CNTN4: variants seen among roughly 807,000 people sequenced by gnomAD.
CNTN4 encodes the protein contactin-4.
A neutral mutation model predicts 122.5 loss-of-function variants in CNTN4; 77 were observed. That is an observed-to-expected ratio of 0.63 (90% confidence interval 0.52 to 0.76). The LOEUF (loss-of-function observed/expected upper bound fraction) is 0.76, where lower values mean the gene tolerates loss of function less well. Ranked by LOEUF, CNTN4 falls within the 30% of genes least tolerant of loss-of-function variation. CNTN4 has a pLI of 0.00. For missense variants in CNTN4, 1,256 were observed against 1,259.1 expected (o/e 1.00, Z 0.04); for synonymous variants, 512 against 447.0 (o/e 1.15, Z -1.83).
At chr3:3,023,732 C>T (rs536850284) in intron 14 of CNTN4, among the ~76,000 whole-genome samples, 89 of 152,320 alleles carry the variant, frequency 5.8e-4, no homozygotes, top group African/African-American at 1.9e-3. Context: ...CTACCTGACA[C>T]GTGCAGTGAA....
chr3:2,797,282 C>G (rs1316848904), intron 6 of CNTN4, among the ~76,000 whole-genome samples: 1 of 152,182 alleles, frequency 6.6e-6, no homozygotes, highest in Non-Finnish European at 1.5e-5. Flanking sequence ...GCGTGAACCA[C>G]CACTCCCAGA....
intron 6 of CNTN4, among the ~76,000 whole-genome samples, chr3:2,755,753 G>A (rs997824988): frequency 6.6e-6 from 1 of 152,166 alleles, no homozygotes; most frequent in Non-Finnish European, 1.5e-5. Flanking sequence ...TTAAATTCAA[G>A]AAGGTTCTGA....
chr3:3,010,904 A>G (rs958545683), intron 14 of CNTN4, among the ~76,000 whole-genome samples: 3 of 151,872 alleles, frequency 2.0e-5, no homozygotes, highest in Non-Finnish European at 4.4e-5. Flanking sequence ...GTACACCCTC[A>G]TTGAAATGCA....
At chr3:2,883,619 C>T (rs1055435226) in intron 9 of CNTN4, among the ~76,000 whole-genome samples, 1 of 152,186 alleles carries the variant, frequency 6.6e-6, no homozygotes, top group African/African-American at 2.4e-5. Flanking sequence ...TACGGACTTT[C>T]ATTTTGGCCC....
intron 2 of CNTN4, among the ~76,000 whole-genome samples, chr3:2,206,644 A>G (rs1393331293): frequency 6.6e-6 from 1 of 152,102 alleles, no homozygotes; most frequent in African/African-American, 2.4e-5. Context: ...TGGCCCCTAT[A>G]CAAGTTGAGA....
chr3:2,114,091 T>G (rs2033168833), intron 2 of CNTN4, among the ~76,000 whole-genome samples: 2 of 152,024 alleles, frequency 1.3e-5, no homozygotes, highest in Admixed American at 6.6e-5. Context: ...ATCGAGATGA[T>G]GGGAAAGAAT....
chr3:2,350,124 G>C (rs981582258), intron 3 of CNTN4, among the ~76,000 whole-genome samples: 13 of 152,134 alleles, frequency 8.5e-5, no homozygotes, highest in African/African-American at 3.1e-4. Flanking sequence ...TGAAATAAAA[G>C]ATTAGAGATA....
intron 2 of CNTN4, among the ~76,000 whole-genome samples, chr3:2,305,004 G>T (rs918093278): frequency 6.6e-6 from 1 of 151,784 alleles, no homozygotes; most frequent in Non-Finnish European, 1.5e-5. Flanking sequence ...AATAATAAGG[G>T]TGTTAAAAAG....
At chr3:2,639,735 A>C (rs1174911938) in intron 4 of CNTN4, among the ~76,000 whole-genome samples, 1 of 152,194 alleles carries the variant, frequency 6.6e-6, no homozygotes, top group Admixed American at 6.5e-5. Flanking sequence ...TGTTTTGTTT[A>C]GTTGGGGTTT....
Position 3,022,233 on chromosome 3 carries a change from G to A in CNTN4, c.1487-3869G>A, listed in dbSNP as rs1574847765. On this transcript the variant is annotated intron_variant, in intron 14 of 24. Coordinates refer to ENST00000418658, the MANE Select transcript of CNTN4 (RefSeq NM_175607.3). Reference sequence around the variant, plus strand: ...CACTCCAACCTCAGGGACAGAATGAGACCCCATCTCAAAAATAAAATAAAA... The same window carrying A: ...CACTCCAACCTCAGGGACAGAATGAAACCCCATCTCAAAAATAAAATAAAA... 2.0e-5 allele frequency among the ~76,000 whole-genome samples: 3 copies of A among 152,058 alleles called. No homozygotes were observed. The South Asian group carries it at 6.2e-4, about 32-fold the overall frequency.
At chr3:2,476,393 T>G (rs938501054) in intron 3 of CNTN4, among the ~76,000 whole-genome samples, 5 of 152,218 alleles carry the variant, frequency 3.3e-5, no homozygotes, top group African/African-American at 1.2e-4. Flanking sequence ...GATGCTAATG[T>G]GCAGCATTCA....
intron 4 of CNTN4, among the ~76,000 whole-genome samples, chr3:2,720,939 C>G (rs1268916722): frequency 6.6e-6 from 1 of 152,166 alleles, no homozygotes; most frequent in African/African-American, 2.4e-5. Flanking sequence ...GGTTTTGACC[C>G]CTATAGCTTA....
rs191898601 is a variant in CNTN4 at position 3,041,434 on chromosome 3, G to C, written c.2399-876G>C. ...GAAAATGAGAGGAAAAGGGGAAAAG[G>C]ACAGTCAGCTGACTTGACTAAGATT... On this transcript the variant is annotated intron_variant, in intron 20 of 24. Transcript: ENST00000418658. Among the ~76,000 whole-genome samples the C allele has an allele frequency of 1.1e-3, 170 of 152,316 alleles. 2 individuals are homozygous for C. The South Asian group carries it at 0.013, about 11-fold the overall frequency.
At chr3:2,633,008 T>A (rs1485189230) in intron 4 of CNTN4, among the ~76,000 whole-genome samples, 2 of 148,850 alleles carry the variant, frequency 1.3e-5, no homozygotes, top group Non-Finnish European at 3.0e-5. Flanking sequence ...ATTTATATAA[T>A]ATCTATTTAT....
chr3:2,325,350 ACT>A (rs1164070717), intron 2 of CNTN4, among the ~76,000 whole-genome samples: 1 of 152,208 alleles, frequency 6.6e-6, no homozygotes, highest in Non-Finnish European at 1.5e-5. Context: ...TAATAGACTT[ACT>A]GTTATTTTAT....
chr3:2,331,035 T>G (rs987669009), intron 2 of CNTN4, among the ~76,000 whole-genome samples: 3 of 152,152 alleles, frequency 2.0e-5, no homozygotes, highest in East Asian at 1.9e-4. Context: ...TTTCATACAA[T>G]TGTGCCTTTT....
In CNTN4 at chr3:2,659,460, CAAAAA is replaced by C. The variant is rs59025670; in HGVS notation, c.56-76737_56-76733del. On this transcript the variant is annotated intron_variant, in intron 4 of 24. Transcript: ENST00000418658. ...CTGGGTGACAGAGGAGACTCCATCT[CAAAAA>C]AAAAAAAAAAAAAAAAAGAAGAAGA... Among the ~76,000 whole-genome samples the C allele has an allele frequency of 7.4e-5, 4 of 53,976 alleles. No homozygotes were observed. The South Asian group carries it at 2.4e-3, about 33-fold the overall frequency. The allele number at this position is 53,976 out of a possible 152,430, so 35.4% of individuals were successfully genotyped here.
chr3:2,878,470 C>G (rs2150945690), intron 8 of CNTN4, among the ~76,000 whole-genome samples: 1 of 151,792 alleles, frequency 6.6e-6, no homozygotes, highest in South Asian at 2.1e-4. Flanking sequence ...TGGTATTGGG[C>G]TAAGATTTGT....
chr3:2,536,363 A>G (rs919212746), intron 3 of CNTN4, among the ~76,000 whole-genome samples: 1 of 152,146 alleles, frequency 6.6e-6, no homozygotes. Context: ...TCATCATTGT[A>G]TCTCCCCAGT....
Sources: allele counts gnomAD v4.1 joint callset (sites outside exome capture counted in the v4.1 genomes callset), GRCh38; gene constraint gnomAD v4.1.1; transcripts MANE v1.5; gene names NCBI Gene and HGNC (gene_info 2026-07-23, HGNC 2026-07-21).